Variants in NTM observed in about 807,000 individuals in gnomAD.
The protein encoded by NTM is IgLON family member 2.
Under a neutral mutation model 42.1 loss-of-function variants are expected in NTM, and 13 were observed. The ratio of observed to expected loss-of-function variants is 0.31; its 90% CI spans 0.20 to 0.49. The LOEUF (loss-of-function observed/expected upper bound fraction) is 0.49, where lower values mean the gene tolerates loss of function less well. NTM is among the 20% of genes least tolerant of loss of function. The pLI is 0.99. For missense variants in NTM, 373 were observed against 452.8 expected (o/e 0.82, Z 1.60); for synonymous variants, 187 against 179.2 (o/e 1.04, Z -0.35).
chr11:131,665,482 C>G (rs961160882), intron 1 of NTM, among the ~76,000 whole-genome samples: 4 of 152,120 alleles, frequency 2.6e-5, no homozygotes, highest in African/African-American at 4.8e-5. Flanking sequence ...AAAAAGAGGT[C>G]ATATGGCTAG....
At chr11:131,747,139 A>AG (rs1364563094) in intron 1 of NTM, among the ~76,000 whole-genome samples, 1 of 152,216 alleles carries the variant, frequency 6.6e-6, no homozygotes, top group African/African-American at 2.4e-5. Context: ...AATATGCTAG[A>AG]GGGAAACTAA....
chr11:131,845,042 T>C (rs997029941), intron 1 of NTM, among the ~76,000 whole-genome samples: 12 of 152,192 alleles, frequency 7.9e-5, no homozygotes, highest in African/African-American at 2.9e-4. Context: ...TTTAAAGTGA[T>C]TGCCTCTAAT....
intron 1 of NTM, among the ~76,000 whole-genome samples, chr11:131,579,067 G>T (rs1253475469): frequency 6.6e-6 from 1 of 152,174 alleles, no homozygotes; most frequent in Non-Finnish European, 1.5e-5. Context: ...TTGATGGGGA[G>T]CTTGAGGTGT....
At chr11:131,789,967 A>T (rs2090686939) in intron 1 of NTM, among the ~76,000 whole-genome samples, 1 of 150,178 alleles carries the variant, frequency 6.7e-6, no homozygotes, top group African/African-American at 2.4e-5. Context: ...AAAAAAAAAA[A>T]AAAAAAAAAA....
At chr11:131,817,283 G>A (rs1024485340) in intron 1 of NTM, among the ~76,000 whole-genome samples, 2 of 152,110 alleles carry the variant, frequency 1.3e-5, no homozygotes, top group Non-Finnish European at 2.9e-5. Context: ...ACTGTACCTC[G>A]AGCAATACGA....
chr11:131,497,041 A>G lies in NTM; in HGVS notation c.82+126153A>G, dbSNP rs193292522. 2.2e-4 allele frequency among the ~76,000 whole-genome samples: 33 copies of G among 152,268 alleles called. 1 individual carries two copies. Among genetic ancestry groups the G allele is most frequent in the Middle Eastern group, 3.4e-3 (1 of 294 alleles). On this transcript the variant is annotated intron_variant, in intron 1 of 8. Transcript: ENST00000683400. ...ATTCAGGGATTGGGCTTTGCTTCACAGTGAGGCTGTTCAGGTTTTGGAAGA... is the reference window on the plus strand; with the variant it reads ...ATTCAGGGATTGGGCTTTGCTTCACGGTGAGGCTGTTCAGGTTTTGGAAGA...
chr11:131,819,674 G>T (rs1369182234), intron 1 of NTM, among the ~76,000 whole-genome samples: 2 of 152,156 alleles, frequency 1.3e-5, no homozygotes, highest in African/African-American at 2.4e-5. Context: ...CCTGCAGCTT[G>T]TCCCCATTTC....
At chr11:131,785,873 C>A (rs917280895) in intron 1 of NTM, among the ~76,000 whole-genome samples, 2 of 152,204 alleles carry the variant, frequency 1.3e-5, no homozygotes, top group Admixed American at 6.5e-5. Context: ...TTAGGATAGC[C>A]TTTGGCGAGT....
intron 1 of NTM, among the ~76,000 whole-genome samples, chr11:131,515,969 A>C (rs1443554437): frequency 6.6e-6 from 1 of 152,216 alleles, no homozygotes; most frequent in East Asian, 1.9e-4. Context: ...CTTATATGGA[A>C]TTAGGGTTTA....
intron 1 of NTM, among the ~76,000 whole-genome samples, chr11:131,900,530 C>T (rs2052994122): frequency 6.6e-6 from 1 of 152,118 alleles, no homozygotes; most frequent in Admixed American, 6.5e-5. Flanking sequence ...TTCAGGAATC[C>T]AGATAAGAAA....
chr11:131,754,314 G>T (rs2083017133), intron 1 of NTM, among the ~76,000 whole-genome samples: 1 of 152,028 alleles, frequency 6.6e-6, no homozygotes, highest in Admixed American at 6.6e-5. Flanking sequence ...AAAGTTGTAT[G>T]TTTTTTCCTT....
intron 2 of NTM, among the ~76,000 whole-genome samples, chr11:132,063,775 A>G (rs767937165): frequency 6.6e-6 from 1 of 152,208 alleles, no homozygotes; most frequent in African/African-American, 2.4e-5. Context: ...TGGAGAGGGA[A>G]CACAATTAGG....
intron 1 of NTM, among the ~76,000 whole-genome samples, chr11:131,640,897 A>AAAGAATTAAG: frequency 6.6e-6 from 1 of 152,344 alleles, no homozygotes; most frequent in South Asian, 2.1e-4. Flanking sequence ...TTCTTTGCTC[A>AAAGAATTAAG]CCAGGCTACA....
intron 1 of NTM, among the ~76,000 whole-genome samples, chr11:131,684,644 G>A (rs1181063112): frequency 9.2e-5 from 14 of 152,206 alleles, no homozygotes; most frequent in East Asian, 5.8e-4. Flanking sequence ...GAGGCCCTGC[G>A]GCTTTCCCAG....
At chr11:131,623,395 C>G (rs975396898) in intron 1 of NTM, among the ~76,000 whole-genome samples, 2 of 152,192 alleles carry the variant, frequency 1.3e-5, no homozygotes, top group Non-Finnish European at 2.9e-5. Flanking sequence ...AGAATGAGTT[C>G]CTTTTGATTA....
chr11:132,124,927 G>C (rs1265810111), intron 2 of NTM, among the ~76,000 whole-genome samples: 1 of 152,236 alleles, frequency 6.6e-6, no homozygotes, highest in Non-Finnish European at 1.5e-5. Context: ...TCTGGAGGCT[G>C]GTTGGAGGCT....
chr11:131,665,092 T>C (rs1327775411), intron 1 of NTM, among the ~76,000 whole-genome samples: 2 of 152,112 alleles, frequency 1.3e-5, no homozygotes, highest in Non-Finnish European at 2.9e-5. Context: ...CATTCACGCG[T>C]CCCCTCCTGT....
At chr11:132,011,487 C>G (rs1050776043) in intron 2 of NTM, among the ~76,000 whole-genome samples, 3 of 152,150 alleles carry the variant, frequency 2.0e-5, no homozygotes, top group African/African-American at 7.2e-5. Context: ...TACGTAGTTT[C>G]TTCAGCAGAC....
At chr11:131,597,582 T>A (rs1382793077) in intron 1 of NTM, among the ~76,000 whole-genome samples, 1 of 152,222 alleles carries the variant, frequency 6.6e-6, no homozygotes, top group African/African-American at 2.4e-5. Context: ...TGCACTGCAC[T>A]GCCCTCTACC....
Sources: gnomAD v4.1 joint callset for allele counts (sites outside exome capture counted in the v4.1 genomes callset) on GRCh38, gnomAD v4.1.1 for gene constraint, MANE v1.5 for transcripts, NCBI Gene and HGNC (gene_info 2026-07-23, HGNC 2026-07-21) for gene names.